Variants in EHMT2 observed in about 807,000 individuals in gnomAD.
EHMT2 encodes the protein histone-lysine N-methyltransferase EHMT2.
Under a neutral mutation model 143.3 loss-of-function variants are expected in EHMT2, and 59 were observed. The observed-to-expected ratio is 0.41, with a 90% CI of 0.33 to 0.51. EHMT2 has a LOEUF of 0.51. Among genes scored for constraint, EHMT2 ranks in the 20% least tolerant of loss-of-function variants. The probability of loss-of-function intolerance (pLI) is 0.18; values close to 1 mark genes in which losing one functional copy is unlikely to be tolerated. For synonymous variants in EHMT2, 604 were observed against 651.5 expected, an observed-to-expected ratio of 0.93 and a Z score of 1.11; for missense variants, 1,174 against 1,645.9, an observed-to-expected ratio of 0.71 and a Z score of 4.96.
At chr6:31,892,584 T>C (rs758227667) in intron 6 of EHMT2, 22 bp from the exon 7 acceptor site, 7 of 1,612,634 alleles carry the variant, frequency 4.3e-6, no homozygotes, top group Non-Finnish European at 5.9e-6. Context: ...TCAGAAAAAT[T>C]GAGGCCACTG....
chr6:31,887,114 C>T lies in EHMT2; in HGVS notation c.2012-13G>A, dbSNP rs780991638. The T allele has an allele frequency of 6.3e-7, 1 of 1,584,480 alleles. No homozygotes were observed. The highest frequency in any genetic ancestry group is 8.6e-7 in the Non-Finnish European group (1 of 1,161,436). On this transcript the variant is annotated splice_polypyrimidine_tract_variant and intron_variant, in intron 15 of 27. Coordinates refer to ENST00000375537, the Ensembl canonical transcript of EHMT2. ...TCCAGGTTGTCCACTGCGGGGAGAG[C>T]CCGCCACACCGGGAGAGGGAGGGAC...
In EHMT2 at chr6:31,889,364, A is replaced by G. The variant is rs1184176283; in HGVS notation, c.1000-22T>C. On this transcript the variant is annotated intron_variant, in intron 8 of 27. Transcript: ENST00000375537. This position sits in a 1 kb window ranked among gnomAD's most constrained non-coding sequence, Gnocchi z 5.1. ...CACTCTGGGAAGGGGGAGGAGGAGG[A>G]GTTAGGAACCCTCACCCCCAGGGGC... The G allele has an allele frequency of 6.2e-7, 1 of 1,610,456 alleles. No individual in the cohort carries two copies. The highest frequency in any genetic ancestry group is 1.1e-5 in the South Asian group (1 of 90,936).
chr6:31,894,713 C>T (rs1052482035), intron 4 of EHMT2, among the ~76,000 whole-genome samples: 1 of 152,188 alleles, frequency 6.6e-6, no homozygotes, highest in South Asian at 2.1e-4. Context: ...CCAGGCTGAA[C>T]CGCAGTGGCG....
rs1391060579 is a variant in EHMT2 at position 31,888,399 on chromosome 6, G to A, written c.1473C>T (p.His491=). The A allele has an allele frequency of 1.2e-6, 2 of 1,612,930 alleles. No homozygotes were observed. Among genetic ancestry groups the A allele is most frequent in the Admixed American group, 1.7e-5 (1 of 60,000 alleles). ...AGTAGCCGCAGCCCGGGCAGCAGTG[G>A]TGTTTGACCATGCGGGCGCGGTGGG... Residue 491 remains histidine, a synonymous_variant, in exon 12 of 28, where the codon CAC becomes CAT. Coordinates refer to ENST00000375537, the Ensembl canonical transcript of EHMT2. The surrounding 1 kb of genome is among the most constrained non-coding windows in gnomAD (Gnocchi z 7.4).
exon 4 of EHMT2, chr6:31,896,295 G>C: frequency 6.2e-7 from 1 of 1,612,796 alleles, no homozygotes. Flanking sequence ...ATGGTTTTGC[G>C]GGCTCGGTGG....
chr6:31,887,304 G>T (rs1213439212), intron 15 of EHMT2, among the ~76,000 whole-genome samples: 3 of 152,198 alleles, frequency 2.0e-5, no homozygotes, highest in Admixed American at 2.0e-4. Flanking sequence ...TTCAAACCCT[G>T]CCTTGCTTCT....
Position 31,888,215 on chromosome 6 carries a change from A to T in EHMT2, c.1571T>A (p.Val524Glu). ...GAAGACCATCCCATTCAGCTGAGAC[A>T]CACAGGCCTTGTGGAAGCGGTGGGC... The change falls in exon 13 of 28, where the codon GTG (valine) becomes GAG (glutamate). Residue 524 changes from valine to glutamate, a missense_variant. Transcript: ENST00000375537. This position sits in a 1 kb window ranked among gnomAD's most constrained non-coding sequence, Gnocchi z 7.4. The T allele has an allele frequency of 1.2e-6, 2 of 1,613,000 alleles. No individual in the cohort carries two copies.
In EHMT2 at chr6:31,884,525, G is replaced by A. The variant is rs780853269; in HGVS notation, c.2638C>T (p.Arg880Trp). 4 of 1,612,920 alleles carry A rather than the reference G, an allele frequency of 2.5e-6. No homozygotes were observed. Among genetic ancestry groups the A allele is most frequent in the African/African-American group, 1.3e-5 (1 of 75,012 alleles). The change falls in exon 21 of 28, where the codon CGG becomes TGG. Residue 880 changes from arginine (R) to tryptophan (W), a missense_variant. Arg to Trp is a moderately radical substitution (Grantham distance 101). Transcript: ENST00000375537. This position sits in a 1 kb window ranked among gnomAD's most constrained non-coding sequence, Gnocchi z 7.3. ...CATGCTGTGTCCCCCTCTTTGTTCC[G>A]CAGCTCAGGGTTGGCCCCACGTGAC... is the stretch of plus-strand genomic sequence containing the variant.
chr6:31,893,875 G>A (rs1387912652), intron 4 of EHMT2, among the ~76,000 whole-genome samples: 1 of 152,144 alleles, frequency 6.6e-6, no homozygotes, highest in Non-Finnish European at 1.5e-5. Flanking sequence ...GTTTTAATGG[G>A]TACAGAGTTT....
rs1224318879 is a variant in EHMT2, at chr6:31,883,720, A to G, written c.2916+86T>C. On this transcript the variant is annotated intron_variant, in intron 22 of 27. Transcript: ENST00000375537. The surrounding 1 kb of genome is among the most constrained non-coding windows in gnomAD (Gnocchi z 5.6). ...CCTTTCAGCCAACCCTTCCTTGGCC[A>G]GGTGCCTTTGCTGGTTTGAAGCTTG... 1.9e-6 allele frequency: 3 copies of G among 1,545,922 alleles called. No homozygotes were observed. In the African/African-American group the frequency reaches 4.1e-5, roughly 21 times the overall value.
In EHMT2 at chr6:31,884,860, C is replaced by T. The variant is rs777104596; in HGVS notation, c.2448+52G>A. 3.8e-6 allele frequency: 6 copies of T among 1,581,464 alleles called. No homozygotes were observed. Among genetic ancestry groups the T allele is most frequent in the African/African-American group, 1.3e-5 (1 of 74,240 alleles). On this transcript the variant is annotated intron_variant, in intron 19 of 27. Coordinates refer to ENST00000375537, the Ensembl canonical transcript of EHMT2. The surrounding 1 kb of genome is among the most constrained non-coding windows in gnomAD (Gnocchi z 7.3). ...CAGCTGGGCCCTTGAATCCAGCCTCCACCTTGCTCAGGGGCCTGGGGCTGC... is the reference window on the plus strand; with the variant it reads ...CAGCTGGGCCCTTGAATCCAGCCTCTACCTTGCTCAGGGGCCTGGGGCTGC...
chr6:31,887,680 C>T lies in EHMT2; in HGVS notation c.1929-21G>A, dbSNP rs73728991. On this transcript the variant is annotated intron_variant, in intron 14 of 27. Coordinates refer to ENST00000375537, the Ensembl canonical transcript of EHMT2. ...TCCGCCTGCCAAGGGAGCACGGGAGCGGGGAGAGAAGGGGAGCTCCTCAGA... is the reference window on the plus strand; with the variant it reads ...TCCGCCTGCCAAGGGAGCACGGGAGTGGGGAGAGAAGGGGAGCTCCTCAGA... 2,163 of 1,611,908 alleles carry T rather than the reference C, an allele frequency of 1.3e-3. 13 individuals carry two copies. The African/African-American group carries it at 0.015, about 12-fold the overall frequency.
chr6:31,896,241 C>T, intron 4 of EHMT2, 22 bp downstream of exon 4: 1 of 1,592,552 alleles, frequency 6.3e-7, no homozygotes, highest in Non-Finnish European at 8.6e-7. Context: ...GTTGATTATC[C>T]CATCTCTCCC....
chr6:31,886,940 AG>A (rs1764937325), intron 16 of EHMT2, 43 bp from the exon 17 acceptor site: 1 of 1,613,642 alleles, frequency 6.2e-7, no homozygotes, highest in African/African-American at 1.3e-5. Context: ...GGCATGGGGC[AG>A]GGGAGGGGCC....
At chr6:31,887,999 G>A in intron 13 of EHMT2, 38 bp from the exon 14 acceptor site, 1 of 1,570,598 alleles carries the variant, frequency 6.4e-7, no homozygotes, top group Non-Finnish European at 8.6e-7. Context: ...AGCAATAGGG[G>A]TGGGGGAGGG....
rs774071100 is a variant in EHMT2 at position 31,897,057 on chromosome 6, T to C, written c.43-68A>G. 11 of 1,506,632 alleles carry C rather than the reference T, an allele frequency of 7.3e-6. No homozygotes were observed. In the South Asian group the frequency reaches 1.4e-4, roughly 19 times the overall value. 93.3% of individuals were successfully genotyped at this position (1,506,632 alleles called of 1,614,324 possible). A position where few individuals can be genotyped will look rare whatever the true frequency, so the allele number is the denominator to read the frequency against. ...AGAGAGTTGGGGGGTCCAGGATGCC[T>C]GGGCCCTGGGAAGAGAGAGTAGGCT... On this transcript the variant is annotated intron_variant, in intron 1 of 27. Transcript: ENST00000375537.
At chr6:31,897,067 G>A (rs1366827778) in intron 1 of EHMT2, 78 bp from the exon 2 acceptor site, 1 of 1,500,530 alleles carries the variant, frequency 6.7e-7, no homozygotes, top group African/African-American at 1.4e-5. Flanking sequence ...TGGGCCCTGG[G>A]AAGAGAGAGT....
At chr6:31,896,185 T>C (rs1766393439) in intron 4 of EHMT2, 78 bp downstream of exon 4, 3 of 1,525,552 alleles carry the variant, frequency 2.0e-6, no homozygotes, top group East Asian at 2.3e-5. Flanking sequence ...GTAAATGGAG[T>C]AGAAGCCTTA....
chr6:31,897,090 C>T (rs777873194), intron 1 of EHMT2, 101 bp from the exon 2 acceptor site: 1 of 1,469,334 alleles, frequency 6.8e-7, no homozygotes, highest in Admixed American at 2.6e-5. Context: ...GCTCCGGGGC[C>T]TACCTCTTCC....
Sources: gnomAD v4.1 joint callset for allele counts (sites outside exome capture counted in the v4.1 genomes callset) on GRCh38, gnomAD v4.1.1 for gene constraint, Gnocchi (gnomAD v3.1) non-coding constraint, MANE v1.5 for transcripts, NCBI Gene and HGNC (gene_info 2026-07-23, HGNC 2026-07-21) for gene names.